ARHGEF12: variants seen among roughly 807,000 people sequenced by gnomAD.
ARHGEF12 encodes the protein Rho guanine nucleotide exchange factor 12, also known as KMT2A/ARHGEF12 fusion protein.
In ARHGEF12, 66 loss-of-function variants were observed where a neutral mutation model predicts 211.2. The ratio of observed to expected loss-of-function variants is 0.31; its 90% CI spans 0.26 to 0.38. ARHGEF12 has a LOEUF of 0.38. Among genes scored for constraint, ARHGEF12 ranks in the 10% least tolerant of loss-of-function variants. The probability of loss-of-function intolerance (pLI) is 1.00; values close to 1 mark genes in which losing one functional copy is unlikely to be tolerated. For synonymous variants in ARHGEF12, 592 were observed against 638.4 expected (o/e 0.93, Z 1.09); for missense variants, 1,429 against 1,869.5 (o/e 0.76, Z 4.34).
intron 1 of ARHGEF12, among the ~76,000 whole-genome samples, chr11:120,394,092 A>G (rs1944299473): frequency 6.6e-6 from 1 of 152,170 alleles, no homozygotes; most frequent in Non-Finnish European, 1.5e-5. Flanking sequence ...ATGGCAAAGT[A>G]TTTTGTATTG....
chr11:120,337,373 C>T, intron 1 of ARHGEF12, 98 bp downstream of exon 1: 2 of 1,588,870 alleles, frequency 1.3e-6, no homozygotes, highest in Non-Finnish European at 1.7e-6. Flanking sequence ...GCGAAGTTGA[C>T]AGGCAGAGGA....
chr11:120,384,400 A>T (rs1021306428), intron 1 of ARHGEF12, among the ~76,000 whole-genome samples: 1 of 152,192 alleles, frequency 6.6e-6, no homozygotes, highest in African/African-American at 2.4e-5. Flanking sequence ...CATGTTTTTC[A>T]TTCGTTACTT....
chr11:120,408,553 C>G (rs952788444), intron 3 of ARHGEF12: 2 of 152,050 alleles, frequency 1.3e-5, no homozygotes. Context: ...ATTCAGTTGC[C>G]TGTCCCTTTG....
Position 120,475,325 on chromosome 11 carries a change from C to T in ARHGEF12, c.3110-15C>T, listed in dbSNP as rs770766157. On this transcript the variant is annotated splice_polypyrimidine_tract_variant and intron_variant, in intron 32 of 40. Transcript: ENST00000397843. ...TTTCTGTACTTACCATTTTTTTCTGCACTTTTATTTCTAGATTTATACACG... is the reference window on the plus strand; with the variant it reads ...TTTCTGTACTTACCATTTTTTTCTGTACTTTTATTTCTAGATTTATACACG... 3 of 1,608,012 alleles carry T rather than the reference C, an allele frequency of 1.9e-6. No individual in the cohort carries two copies. Among genetic ancestry groups the T allele is most frequent in the Admixed American group, 1.7e-5 (1 of 59,230 alleles).
At chr11:120,476,981 G>A in intron 34 of ARHGEF12, 2 of 579,752 alleles carry the variant, frequency 3.4e-6, no homozygotes, top group East Asian at 2.8e-5. Flanking sequence ...GTCAAGTGAA[G>A]TTTTTTTAAT....
chr11:120,425,371 G>A (rs566513277), intron 7 of ARHGEF12, among the ~76,000 whole-genome samples: 3 of 148,416 alleles, frequency 2.0e-5, no homozygotes, highest in South Asian at 4.3e-4. Context: ...TTTGTTTTTA[G>A]GGTAGGGTCT....
At chr11:120,437,855 A>G (rs911819771) in intron 12 of ARHGEF12, among the ~76,000 whole-genome samples, 2 of 152,202 alleles carry the variant, frequency 1.3e-5, no homozygotes, top group Non-Finnish European at 2.9e-5. Context: ...GGCTTCTCTC[A>G]CTTAGCATAT....
intron 1 of ARHGEF12, among the ~76,000 whole-genome samples, chr11:120,375,982 G>T (rs1290857214): frequency 6.6e-6 from 1 of 152,112 alleles, no homozygotes; most frequent in African/African-American, 2.4e-5. Flanking sequence ...TTGGAAGGAA[G>T]ATCACAGAGG....
At chr11:120,355,942 A>AG (rs1943119060) in intron 1 of ARHGEF12, among the ~76,000 whole-genome samples, 1 of 152,202 alleles carries the variant, frequency 6.6e-6, no homozygotes, top group Non-Finnish European at 1.5e-5. Context: ...TCAGGCATTC[A>AG]AGGCCAAAGG....
intron 11 of ARHGEF12, among the ~76,000 whole-genome samples, chr11:120,434,524 C>G (rs1945638397): frequency 6.6e-6 from 1 of 152,166 alleles, no homozygotes; most frequent in Non-Finnish European, 1.5e-5. Context: ...GTATGGAGGA[C>G]CCGGTCTGCT....
At chr11:120,361,634 G>A (rs116779579) in intron 1 of ARHGEF12, among the ~76,000 whole-genome samples, 2 of 152,052 alleles carry the variant, frequency 1.3e-5, no homozygotes, top group African/African-American at 2.4e-5. Flanking sequence ...TACAATTTTC[G>A]AAATATTTCC....
At chr11:120,379,742 G>T (rs1345010579) in intron 1 of ARHGEF12, among the ~76,000 whole-genome samples, 2 of 151,910 alleles carry the variant, frequency 1.3e-5, no homozygotes, top group Non-Finnish European at 2.9e-5. Flanking sequence ...GAATTACATT[G>T]ATTTTTGAGT....
intron 4 of ARHGEF12, chr11:120,409,990 ACGT>A (rs1944832902): frequency 6.6e-6 from 1 of 152,256 alleles, no homozygotes; most frequent in African/African-American, 2.4e-5. Context: ...TGGCAAAAAT[ACGT>A]AAGTATTTTA....
At chr11:120,401,435 T>A (rs1473920215) in intron 1 of ARHGEF12, among the ~76,000 whole-genome samples, 2 of 152,226 alleles carry the variant, frequency 1.3e-5, no homozygotes, top group Admixed American at 1.3e-4. Flanking sequence ...TTTGTTATTT[T>A]GTGAAAAATA....
intron 1 of ARHGEF12, among the ~76,000 whole-genome samples, chr11:120,391,555 C>T (rs1014623349): frequency 6.6e-5 from 10 of 152,168 alleles, no homozygotes; most frequent in African/African-American, 2.4e-4. Context: ...TGTGAAAAGC[C>T]CTGACATCAG....
At position 120,477,119 on chromosome 11, in the gene ARHGEF12, TG is replaced by T. The variant is rs758724488; in HGVS notation, c.3366-98del. On this transcript the variant is annotated intron_variant, in intron 34 of 40. Coordinates refer to ENST00000397843, the MANE Select transcript of ARHGEF12 (RefSeq NM_015313.3). ...TTGTTGTTGTTGTTGTTGTTGTTGT[TG>T]GTTGATTTGGTTTTTGTTTAGTTTT... is the stretch of plus-strand genomic sequence containing the variant. The T allele has an allele frequency of 1.1e-3, 868 of 757,300 alleles. 3 individuals are homozygous for T. Among genetic ancestry groups the T allele is most frequent in the Non-Finnish European group, 1.5e-3 (656 of 446,456 alleles). The allele number at this position is 757,300 out of a possible 1,614,324, so 46.9% of individuals were successfully genotyped here.
intron 1 of ARHGEF12, among the ~76,000 whole-genome samples, chr11:120,387,931 A>T (rs118171554): frequency 3.5e-3 from 536 of 152,236 alleles, no homozygotes; most frequent in Non-Finnish European, 5.3e-3. Context: ...TAACAGTTTT[A>T]TTGAAATGTA....
At chr11:120,372,311 C>G (rs1430823486) in intron 1 of ARHGEF12, among the ~76,000 whole-genome samples, 3 of 151,874 alleles carry the variant, frequency 2.0e-5, no homozygotes, top group Admixed American at 2.0e-4. Flanking sequence ...CTGATCTCCT[C>G]TGATCTTTTT....
chr11:120,340,868 A>G (rs531196549), intron 1 of ARHGEF12, among the ~76,000 whole-genome samples: 16 of 152,334 alleles, frequency 1.1e-4, no homozygotes, highest in African/African-American at 2.9e-4. Context: ...CAACATGCAG[A>G]ATCTAAAGTA....
Sources: gnomAD v4.1 joint callset for allele counts (sites outside exome capture counted in the v4.1 genomes callset) on GRCh38, gnomAD v4.1.1 for gene constraint, MANE v1.5 for transcripts, NCBI Gene and HGNC (gene_info 2026-07-23, HGNC 2026-07-21) for gene names.